The following GK5 variants were observed in gnomAD, a reference collection of about 807,000 sequenced individuals.
GK5 encodes the protein ATP:glycerol 3-phosphotransferase 5.
GK5 carries 39 observed loss-of-function variants against 77.3 expected under a neutral mutation model. The ratio of observed to expected loss-of-function variants is 0.50; its 90% CI spans 0.39 to 0.66. The LOEUF is 0.66. Among genes scored for constraint, GK5 ranks in the 30% least tolerant of loss-of-function variants. The pLI, the probability that GK5 is intolerant of heterozygous loss-of-function variation, is 0.00. For synonymous variants in GK5, 211 were observed against 208.0 expected (o/e 1.01, Z -0.13); for missense variants, 487 against 633.8 (o/e 0.77, Z 2.49).
rs549887451 is a variant in GK5, at chr3:142,160,546, A to C, written c.*5076T>G. On this transcript the variant is annotated 3_prime_UTR_variant, in exon 16 of 16. Coordinates refer to ENST00000392993, the MANE Select transcript of GK5 (RefSeq NM_001039547.3). ...ATTTATGAAGTTCCTTCCCTATAGC[A>C]CCAGAGTGTTTCGCACTCTTAAAAT... 1 of 152,310 alleles carries C rather than the reference A, an allele frequency of 6.6e-6. No individual in the cohort carries two copies. Among genetic ancestry groups the C allele is most frequent in the South Asian group, 2.1e-4 (1 of 4,818 alleles). 9.4% of individuals were successfully genotyped at this position (152,310 alleles called of 1,614,324 possible).
rs369360718 is a variant in GK5, at chr3:142,182,919, T to G, written c.943+4A>C. 1 of 1,601,696 alleles carries G rather than the reference T, an allele frequency of 6.2e-7. No individual in the cohort carries two copies. The highest frequency in any genetic ancestry group is 1.3e-5 in the African/African-American group (1 of 74,632). On this transcript the variant is annotated splice_donor_region_variant and intron_variant, in intron 10 of 15. Coordinates refer to ENST00000392993, the MANE Select transcript of GK5 (RefSeq NM_001039547.3). ...AATAAATAGGATAAATCCTAACTAC[T>G]TACCTCCAGTAGTCTGTTGAAGGCT...
At position 142,225,554 on chromosome 3, in the gene GK5, A is replaced by T. The variant is rs918376466; in HGVS notation, c.-99T>A. The T allele has an allele frequency of 1.4e-6, 2 of 1,439,078 alleles. No homozygotes were observed. Among genetic ancestry groups the T allele is most frequent in the East Asian group, 2.7e-5 (1 of 36,692 alleles). 89.1% of individuals were successfully genotyped at this position (1,439,078 alleles called of 1,614,324 possible). ...CCCGGGCGGCCCAACCCGGGCCCCA[A>T]CCCGGCTCAGCCGGAGAGCCTAGAG... On this transcript the variant is annotated 5_prime_UTR_variant, in exon 1 of 16. It adds an upstream start codon to the 5' untranslated region. Coordinates refer to ENST00000392993, the MANE Select transcript of GK5 (RefSeq NM_001039547.3).
intron 5 of GK5, among the ~76,000 whole-genome samples, chr3:142,194,623 T>A (rs1401760972): frequency 1.3e-5 from 2 of 151,904 alleles, no homozygotes; most frequent in Admixed American, 6.6e-5. Flanking sequence ...GCCTGGAGGT[T>A]GAGACTACAG....
chr3:142,189,073 C>T (rs2063813700), intron 5 of GK5, among the ~76,000 whole-genome samples: 1 of 152,160 alleles, frequency 6.6e-6, no homozygotes, highest in Non-Finnish European at 1.5e-5. Flanking sequence ...CTGTAGCATT[C>T]TATAGATAGC....
Position 142,164,630 on chromosome 3 carries a change from A to G in GK5, c.*992T>C, listed in dbSNP as rs1008974423. Reference sequence around the variant, plus strand: ...CACACATACTCACAGGGATGAGTAGACTGAACAAACATCAAAAAGACGCAG... The same window carrying G: ...CACACATACTCACAGGGATGAGTAGGCTGAACAAACATCAAAAAGACGCAG... On this transcript the variant is annotated 3_prime_UTR_variant, in exon 16 of 16. Transcript: ENST00000392993. 2 of 152,250 alleles carry G rather than the reference A, an allele frequency of 1.3e-5. No homozygotes were observed. Among genetic ancestry groups the G allele is most frequent in the African/African-American group, 4.8e-5 (2 of 41,460 alleles). 9.4% of individuals were successfully genotyped at this position (152,250 alleles called of 1,614,324 possible).
In GK5 at chr3:142,165,158, TCA is replaced by T. The variant is rs1336687352; in HGVS notation, c.*462_*463del. On this transcript the variant is annotated 3_prime_UTR_variant, in exon 16 of 16. Transcript: ENST00000392993. ...TAATGTTTCAAAATTCCACATTTTC[TCA>T]GTTATTCTTTCTTTTTAGCTATATG... 3 of 152,876 alleles carry T rather than the reference TCA, an allele frequency of 2.0e-5. No homozygotes were observed. The highest frequency in any genetic ancestry group is 4.4e-5 in the Non-Finnish European group (3 of 68,170). 9.5% of individuals were successfully genotyped at this position (152,876 alleles called of 1,614,324 possible).
chr3:142,182,279 A>G (rs1226177083), intron 10 of GK5, among the ~76,000 whole-genome samples: 1 of 152,146 alleles, frequency 6.6e-6, no homozygotes, highest in African/African-American at 2.4e-5. Context: ...GCTGAGGACT[A>G]CCACTCAAAG....
rs1250438133 is a variant in GK5, at chr3:142,170,119, G to C, written c.1441+206C>G. The C allele has an allele frequency of 7.7e-6, 5 of 648,182 alleles. No individual in the cohort carries two copies. The East Asian group carries it at 1.3e-4, about 17-fold the overall frequency. The allele number at this position is 648,182 out of a possible 1,614,324, so 40.2% of individuals were successfully genotyped here. On this transcript the variant is annotated intron_variant, in intron 15 of 15. Coordinates refer to ENST00000392993, the MANE Select transcript of GK5 (RefSeq NM_001039547.3). Reference sequence around the variant, plus strand: ...TTGTCTCATACTTCTGACTGAAGGGGTGAGGTGAGGATAGAAGAGGTGCAA... The same window carrying C: ...TTGTCTCATACTTCTGACTGAAGGGCTGAGGTGAGGATAGAAGAGGTGCAA...
chr3:142,224,766 A>G (rs530782820), intron 1 of GK5, among the ~76,000 whole-genome samples: 51 of 152,380 alleles, frequency 3.3e-4, no homozygotes, highest in African/African-American at 1.2e-3. Flanking sequence ...AAAGATGACA[A>G]GTGAAGAATA....
intron 5 of GK5, among the ~76,000 whole-genome samples, chr3:142,198,340 T>C (rs1006420798): frequency 9.0e-4 from 135 of 149,770 alleles, no homozygotes; most frequent in African/African-American, 3.3e-3. Flanking sequence ...TGGCGGGGAG[T>C]GGCGGCTCAC....
intron 12 of GK5, 50 bp from the exon 13 acceptor site, chr3:142,172,506 T>A: frequency 9.7e-7 from 1 of 1,026,726 alleles, no homozygotes; most frequent in Non-Finnish European, 1.5e-6. Context: ...AAATTACATC[T>A]ACGGACTTGA....
At chr3:142,186,630 CTTTTTTT>C (rs781196956) in intron 6 of GK5, 117 bp from the exon 7 acceptor site, 11 of 262,454 alleles carry the variant, frequency 4.2e-5, no homozygotes, top group East Asian at 3.6e-4. Context: ...TGTGTATTTT[CTTTTTTT>C]TTTTTTTTTT....
In GK5 at chr3:142,204,747, T is replaced by A. The variant is rs1434243431; in HGVS notation, c.359A>T (p.Asp120Val). ...TTTTACAAGTTCAACAGCTCTTAAG[T>A]CTTGCCAACTTATAAAGTTGTGAAA... ...NHFHNFISWQ[D>V]LRAVELVKSW... Residue 120 changes from aspartate (D) to valine (V), a missense_variant, in exon 4 of 16, where the codon GAC becomes GTC. This residue lies in a region of GK5 where 323 missense variants were observed against 437.4 expected (regional missense o/e 0.74). Transcript: ENST00000392993. The A allele has an allele frequency of 6.3e-7, 1 of 1,584,828 alleles. No homozygotes were observed. The highest frequency in any genetic ancestry group is 1.4e-5 in the African/African-American group (1 of 73,682).
rs529463170 is a variant in GK5, at chr3:142,223,802, C to A, written c.147+1507G>T. On this transcript the variant is annotated intron_variant, in intron 1 of 15. Transcript: ENST00000392993. Reference sequence around the variant, plus strand: ...GCAGTGAGCCGAGATCATGCCATTGCACTCCAGCCTGGGTGACAGAGCGAG... The same window carrying A: ...GCAGTGAGCCGAGATCATGCCATTGAACTCCAGCCTGGGTGACAGAGCGAG... 8.9e-4 allele frequency among the ~76,000 whole-genome samples: 135 copies of A among 152,316 alleles called. 1 individual carries two copies. The highest frequency in any genetic ancestry group is 2.9e-3 in the African/African-American group (120 of 41,572).
rs1486868899 is a variant in GK5, at chr3:142,164,238, T to C, written c.*1384A>G. ...ATGACAGCAAAAACAAAATTCTCTA[T>C]AAATCTCTCCATTAGTTACATTACT... On this transcript the variant is annotated 3_prime_UTR_variant, in exon 16 of 16. Coordinates refer to ENST00000392993, the MANE Select transcript of GK5 (RefSeq NM_001039547.3). The C allele has an allele frequency of 6.6e-6, 1 of 152,222 alleles. No homozygotes were observed. Among genetic ancestry groups the C allele is most frequent in the African/African-American group, 2.4e-5 (1 of 41,466 alleles). The allele number at this position is 152,222 out of a possible 1,614,324, so 9.4% of individuals were successfully genotyped here. A position where few individuals can be genotyped will look rare whatever the true frequency, so the allele number is the denominator to read the frequency against.
intron 15 of GK5, among the ~76,000 whole-genome samples, chr3:142,167,814 C>A: frequency 6.6e-6 from 1 of 152,366 alleles, no homozygotes; most frequent in East Asian, 1.9e-4. Context: ...GAGTTTGACA[C>A]TAGCCTGGCC....
chr3:142,216,437 C>T (rs1398995953), intron 1 of GK5, among the ~76,000 whole-genome samples: 2 of 152,062 alleles, frequency 1.3e-5, no homozygotes, highest in Non-Finnish European at 2.9e-5. Flanking sequence ...ATAATGGTAT[C>T]GGTGCGTCTC....
intron 12 of GK5, 29 bp from the exon 13 acceptor site, chr3:142,172,485 A>C: frequency 8.3e-7 from 1 of 1,207,888 alleles, no homozygotes; most frequent in Non-Finnish European, 1.2e-6. Context: ...AGAATATATT[A>C]TTATTATTCT....
chr3:142,220,749 G>A (rs2064333776), intron 1 of GK5, among the ~76,000 whole-genome samples: 1 of 152,144 alleles, frequency 6.6e-6, no homozygotes, highest in Non-Finnish European at 1.5e-5. Context: ...GTATATGAAT[G>A]AACATATGAG....
Sources: allele counts gnomAD v4.1 joint callset (sites outside exome capture counted in the v4.1 genomes callset), GRCh38; gene constraint gnomAD v4.1.1; regional missense constraint gnomAD v4.1.1; transcripts MANE v1.5; gene names NCBI Gene and HGNC (gene_info 2026-07-23, HGNC 2026-07-21).